The following MRPL13 variants were observed in gnomAD, a reference collection of about 807,000 sequenced individuals.
MRPL13 encodes the protein mitochondrial ribosomal protein L13, also known as large ribosomal subunit protein uL13m.
In MRPL13, 33 loss-of-function variants were observed where a neutral mutation model predicts 29.0. That is an observed-to-expected ratio of 1.14 (90% CI 0.86 to 1.52). MRPL13 has a LOEUF of 1.52. MRPL13 is among the 40% of genes most tolerant of loss of function. The pLI is 0.00. For synonymous variants in MRPL13, 77 were observed against 68.4 expected (o/e 1.13, Z -0.62); for missense variants, 227 against 216.7 (o/e 1.05, Z -0.30).
chr8:120,421,733 C>T (rs59574780), intron 4 of MRPL13, among the ~76,000 whole-genome samples: 2,892 of 151,826 alleles, frequency 0.019, 94 homozygotes, highest in African/African-American at 0.067. Flanking sequence ...TCAATTATTG[C>T]TCATAAACAA....
At chr8:120,403,722 C>T (rs1357931569) in intron 6 of MRPL13, among the ~76,000 whole-genome samples, 1 of 151,938 alleles carries the variant, frequency 6.6e-6, no homozygotes, top group African/African-American at 2.4e-5. Flanking sequence ...CTTTGTTTGC[C>T]CAAAAACAAC....
intron 4 of MRPL13, among the ~76,000 whole-genome samples, chr8:120,420,907 C>A (rs888936933): frequency 6.6e-6 from 1 of 151,692 alleles, no homozygotes; most frequent in Non-Finnish European, 1.5e-5. Flanking sequence ...TTAGAAAATG[C>A]AAACTCCACA....
intron 2 of MRPL13, 22 bp downstream of exon 2, chr8:120,443,163 A>G: frequency 6.7e-7 from 1 of 1,497,346 alleles, no homozygotes; most frequent in South Asian, 1.4e-5. Flanking sequence ...GTGGTTAATG[A>G]CAGGTCTAAA....
chr8:120,442,663 T>C (rs1270889905), intron 2 of MRPL13, among the ~76,000 whole-genome samples: 1 of 152,174 alleles, frequency 6.6e-6, no homozygotes, highest in Admixed American at 6.5e-5. Flanking sequence ...AAACTATCTG[T>C]AAGCAGAAAT....
intron 6 of MRPL13, among the ~76,000 whole-genome samples, chr8:120,412,360 T>C (rs1334641870): frequency 6.6e-6 from 1 of 152,208 alleles, no homozygotes; most frequent in Non-Finnish European, 1.5e-5. Context: ...TAAAATGGTA[T>C]AGAATTTGCA....
intron 5 of MRPL13, chr8:120,415,496 T>G (rs1351999447): frequency 6.6e-6 from 1 of 152,150 alleles, no homozygotes; most frequent in Non-Finnish European, 1.5e-5. Flanking sequence ...ATTTTATAAC[T>G]TTAGGATCAC....
intron 2 of MRPL13, among the ~76,000 whole-genome samples, 161 bp from the exon 3 acceptor site, chr8:120,432,284 C>T (rs1182193299): frequency 3.3e-5 from 5 of 152,016 alleles, no homozygotes; most frequent in Non-Finnish European, 7.4e-5. Context: ...ATTTCTGTTA[C>T]TTTTTAATAT....
chr8:120,422,821 C>G (rs1332177794), intron 4 of MRPL13, among the ~76,000 whole-genome samples: 1 of 151,666 alleles, frequency 6.6e-6, no homozygotes, highest in Non-Finnish European at 1.5e-5. Context: ...GTTGTTATAG[C>G]CCAATTCACT....
intron 4 of MRPL13, among the ~76,000 whole-genome samples, chr8:120,423,178 C>T (rs1248606567): frequency 6.6e-6 from 1 of 151,376 alleles, no homozygotes; most frequent in Non-Finnish European, 1.5e-5. Context: ...TCAGATTAGA[C>T]ACAGGTGAAA....
At position 120,406,755 on chromosome 8, in the gene MRPL13, A is replaced by C. The variant is rs371873821; in HGVS notation, c.515+7236T>G. Among the ~76,000 whole-genome samples the C allele has an allele frequency of 2.6e-5, 4 of 152,256 alleles. No homozygotes were observed. In the South Asian group the frequency reaches 8.3e-4, roughly 32 times the overall value. On this transcript the variant is annotated intron_variant, in intron 6 of 6. Coordinates refer to ENST00000306185, the MANE Select transcript of MRPL13 (RefSeq NM_014078.6). The stretch of plus-strand genomic sequence containing the variant: ...TGCTTAAAATATACTTGGGAGATTA[A>C]TGAATCATCTAAGAAATAGCTAACA...
At chr8:120,396,906 T>C (rs915000035) in intron 6 of MRPL13, among the ~76,000 whole-genome samples, 2 of 152,206 alleles carry the variant, frequency 1.3e-5, no homozygotes, top group Non-Finnish European at 2.9e-5. Context: ...TGGTCTGCAG[T>C]TCTCCCAGAG....
chr8:120,437,001 G>T (rs7829269), intron 2 of MRPL13, among the ~76,000 whole-genome samples: 2,868 of 152,212 alleles, frequency 0.019, 50 homozygotes, highest in Middle Eastern at 0.058. Flanking sequence ...ACTGTAACAT[G>T]CACCAAGGCA....
chr8:120,438,847 A>G (rs1454511117), intron 2 of MRPL13, among the ~76,000 whole-genome samples: 1 of 152,230 alleles, frequency 6.6e-6, no homozygotes, highest in Non-Finnish European at 1.5e-5. Context: ...GTGGTTAAAC[A>G]AAATATCTAA....
Position 120,429,505 on chromosome 8 carries a change from A to C in MRPL13, c.245+2525T>G, listed in dbSNP as rs546471486. 2.2e-3 allele frequency among the ~76,000 whole-genome samples: 336 copies of C among 151,976 alleles called. 1 individual carries two copies. Among genetic ancestry groups the C allele is most frequent in the South Asian group, 4.8e-3 (23 of 4,820 alleles). ...TGAACTTAAAAGTTAAAAAAAAAAAACAAAAAACAAGAATTGAAAAAAAAG... is the reference window on the plus strand; with the variant it reads ...TGAACTTAAAAGTTAAAAAAAAAAACCAAAAAACAAGAATTGAAAAAAAAG... On this transcript the variant is annotated intron_variant, in intron 3 of 6. Coordinates refer to ENST00000306185, the MANE Select transcript of MRPL13 (RefSeq NM_014078.6).
Position 120,425,262 on chromosome 8 carries a change from T to C in MRPL13, c.306+44A>G, listed in dbSNP as rs767135195. 7.0e-6 allele frequency: 10 copies of C among 1,432,790 alleles called. No individual in the cohort carries two copies. In the Admixed American group the frequency reaches 1.0e-4, roughly 15 times the overall value. 88.8% of individuals were successfully genotyped at this position (1,432,790 alleles called of 1,614,324 possible). The stretch of plus-strand genomic sequence containing the variant: ...GGAGACTGACAAAACAGTATCTGAA[T>C]TGGTCTTTCCAAAGATGATTAATAA... On this transcript the variant is annotated intron_variant, in intron 4 of 6. Transcript: ENST00000306185.
In MRPL13 at chr8:120,428,587, T is replaced by C. The variant is rs369958253; in HGVS notation, c.246-3221A>G. 7.3e-4 allele frequency among the ~76,000 whole-genome samples: 111 copies of C among 152,178 alleles called. 1 individual carries two copies. Among genetic ancestry groups the C allele is most frequent in the African/African-American group, 2.6e-3 (106 of 41,522 alleles). On this transcript the variant is annotated intron_variant, in intron 3 of 6. Coordinates refer to ENST00000306185, the MANE Select transcript of MRPL13 (RefSeq NM_014078.6). ...AATGGGAGAAAATTTTTGCAAACTA[T>C]GCATCTGACAAAGGTCTAATATCCA...
At chr8:120,400,787 G>C (rs1812586640) in intron 6 of MRPL13, among the ~76,000 whole-genome samples, 1 of 151,040 alleles carries the variant, frequency 6.6e-6, no homozygotes, top group African/African-American at 2.4e-5. Flanking sequence ...GAAGAGAGAG[G>C]AGAATCAGAC....
At position 120,432,060 on chromosome 8, in the gene MRPL13, CATTT is replaced by C. The variant is rs1321390180; in HGVS notation, c.211_214del (p.Lys71GlyfsTer19). ...ATGCGAAGAGTATACTTTTTGTTCC[CATTT>C]GTTTCCAGAAAATGCAATGTGTCTT... On this transcript the variant is annotated frameshift_variant, in exon 3 of 7. Coordinates refer to ENST00000306185, the MANE Select transcript of MRPL13 (RefSeq NM_014078.6). LOFTEE classifies it high-confidence loss of function. The C allele has an allele frequency of 2.5e-6, 4 of 1,608,572 alleles. No individual in the cohort carries two copies. The highest frequency in any genetic ancestry group is 3.4e-6 in the Non-Finnish European group (4 of 1,177,362).
intron 1 of MRPL13, among the ~76,000 whole-genome samples, chr8:120,444,691 C>G (rs2130493177): frequency 6.6e-6 from 1 of 152,240 alleles, no homozygotes; most frequent in South Asian, 2.1e-4. Flanking sequence ...GACACCAGGT[C>G]AGATCCTGTT....
Sources: allele counts gnomAD v4.1 joint callset (sites outside exome capture counted in the v4.1 genomes callset), GRCh38; gene constraint gnomAD v4.1.1; transcripts MANE v1.5; gene names NCBI Gene and HGNC (gene_info 2026-07-23, HGNC 2026-07-21).